The following SLC25A26 variants were observed in gnomAD, a reference collection of about 807,000 sequenced individuals.
SLC25A26 encodes the protein solute carrier family 25 member 26.
SLC25A26 carries 36 observed loss-of-function variants against 37.8 expected under a neutral mutation model. The ratio of observed to expected loss-of-function variants is 0.95; its 90% CI spans 0.73 to 1.26. The LOEUF (loss-of-function observed/expected upper bound fraction) is 1.26, where lower values mean the gene tolerates loss of function less well. SLC25A26 is among the 50% of genes most tolerant of loss of function. The probability of loss-of-function intolerance (pLI) is 0.00; values close to 1 mark genes in which losing one functional copy is unlikely to be tolerated. For synonymous variants in SLC25A26, 129 were observed against 122.5 expected, an observed-to-expected ratio of 1.05 and a Z score of -0.35; for missense variants, 390 against 331.1, an observed-to-expected ratio of 1.18 and a Z score of -1.38.
chr3:66,232,528 A>G (rs2072083164), intron 1 of SLC25A26, among the ~76,000 whole-genome samples: 1 of 152,242 alleles, frequency 6.6e-6, no homozygotes, highest in African/African-American at 2.4e-5. Flanking sequence ...GTACTGAACA[A>G]ATGGTCAGAG....
rs1300309107 is a variant in SLC25A26, at chr3:66,377,900, A to C, written c.*93A>C. On this transcript the variant is annotated 3_prime_UTR_variant, in exon 10 of 10. Transcript: ENST00000354883. ...AGCAGCTGTCTGAACTATAGGCCCCAGTGCTGAAGACCAGTTGTGCTAAGA... is the reference window on the plus strand; with the variant it reads ...AGCAGCTGTCTGAACTATAGGCCCCCGTGCTGAAGACCAGTTGTGCTAAGA... 6.4e-6 allele frequency: 6 copies of C among 937,824 alleles called. No individual in the cohort carries two copies. Among genetic ancestry groups the C allele is most frequent in the Non-Finnish European group, 8.5e-6 (5 of 588,278 alleles). The allele number at this position is 937,824 out of a possible 1,614,324, so 58.1% of individuals were successfully genotyped here.
rs116958612 is a variant in SLC25A26 at position 66,284,159 on chromosome 3, C to A, written c.453+20780C>A. On this transcript the variant is annotated intron_variant, in intron 5 of 9. Coordinates refer to ENST00000354883, the MANE Select transcript of SLC25A26 (RefSeq NM_001379210.1). ...CCCAGGAGTTTGAGACTAGCCTGGG[C>A]AACATAGTGAGACCATGTTCCTACA... Among the ~76,000 whole-genome samples the A allele has an allele frequency of 2.8e-3, 431 of 152,252 alleles. 2 individuals carry two copies. Among genetic ancestry groups the A allele is most frequent in the East Asian group, 0.012 (62 of 5,176 alleles).
chr3:66,300,476 C>G (rs893222959), intron 5 of SLC25A26, among the ~76,000 whole-genome samples: 13 of 151,942 alleles, frequency 8.6e-5, no homozygotes, highest in Non-Finnish European at 7.4e-5. Flanking sequence ...TTCAAATTAC[C>G]TTTTCCTATT....
intron 1 of SLC25A26, among the ~76,000 whole-genome samples, chr3:66,223,161 G>A (rs532630255): frequency 6.6e-6 from 1 of 152,332 alleles, no homozygotes; most frequent in Admixed American, 6.5e-5. Context: ...AACTGAAGAT[G>A]CGACAGAGTA....
chr3:66,351,361 G>A (rs998136688), intron 6 of SLC25A26, among the ~76,000 whole-genome samples: 8 of 152,086 alleles, frequency 5.3e-5, no homozygotes, highest in African/African-American at 1.7e-4. Context: ...AAGCAAAAGC[G>A]GTAGATTATC....
At chr3:66,348,970 C>T (rs930667726) in intron 6 of SLC25A26, among the ~76,000 whole-genome samples, 1 of 152,168 alleles carries the variant, frequency 6.6e-6, no homozygotes, top group Admixed American at 6.5e-5. Context: ...GCAAACAAGA[C>T]TTACTTTATT....
chr3:66,276,005 A>G (rs184952001), intron 5 of SLC25A26, among the ~76,000 whole-genome samples: 19 of 152,236 alleles, frequency 1.2e-4, no homozygotes, highest in African/African-American at 4.3e-4. Context: ...ATGTAAGAAA[A>G]CTAAATTTGA....
intron 5 of SLC25A26, among the ~76,000 whole-genome samples, chr3:66,295,468 A>G (rs1483098173): frequency 7.4e-6 from 1 of 134,500 alleles, no homozygotes; most frequent in African/African-American, 2.9e-5. Flanking sequence ...CAGTGGTACG[A>G]TCGGCTTACT....
chr3:66,153,771 G>A (rs1294293047), intron 1 of SLC25A26, among the ~76,000 whole-genome samples: 5 of 152,170 alleles, frequency 3.3e-5, no homozygotes, highest in Non-Finnish European at 7.3e-5. Context: ...TCCTTGCTGG[G>A]CTTGGTCTTG....
At chr3:66,136,569 A>G (rs921561827) in intron 1 of SLC25A26, among the ~76,000 whole-genome samples, 1 of 152,242 alleles carries the variant, frequency 6.6e-6, no homozygotes, top group African/African-American at 2.4e-5. Flanking sequence ...ATTTTAAAAG[A>G]TGGCTTTTAG....
At chr3:66,329,516 C>T (rs1410773267) in intron 5 of SLC25A26, among the ~76,000 whole-genome samples, 2 of 151,870 alleles carry the variant, frequency 1.3e-5, no homozygotes, top group Non-Finnish European at 2.9e-5. Flanking sequence ...TTCCCTATTT[C>T]CTTACCCCTA....
chr3:66,208,733 C>CATTTATATGGGTATATATATATACAA (rs2071216763), intron 1 of SLC25A26, among the ~76,000 whole-genome samples: 1 of 138,536 alleles, frequency 7.2e-6, no homozygotes, highest in Admixed American at 7.4e-5. Flanking sequence ...TATATATACA[C>CATTTATATGGGTATATATATATACAA]ATTTATATGG....
At chr3:66,176,254 A>G (rs2070585377) in intron 1 of SLC25A26, among the ~76,000 whole-genome samples, 1 of 152,234 alleles carries the variant, frequency 6.6e-6, no homozygotes, top group South Asian at 2.1e-4. Context: ...GCATATCTAT[A>G]GCACAGAGTT....
chr3:66,163,228 A>G (rs969201439), intron 1 of SLC25A26, among the ~76,000 whole-genome samples: 5 of 152,194 alleles, frequency 3.3e-5, no homozygotes, highest in African/African-American at 1.2e-4. Flanking sequence ...TAAAAGACAA[A>G]CCACGTTCCA....
upstream of SLC25A26, among the ~76,000 whole-genome samples, chr3:66,217,862 T>C (rs1361048444): frequency 6.6e-6 from 1 of 152,234 alleles, no homozygotes; most frequent in Non-Finnish European, 1.5e-5. Flanking sequence ...ATAGTTTATA[T>C]ATACTAAGTA....
At chr3:66,290,673 C>T (rs767499376) in intron 5 of SLC25A26, among the ~76,000 whole-genome samples, 1 of 152,130 alleles carries the variant, frequency 6.6e-6, no homozygotes, top group Non-Finnish European at 1.5e-5. Flanking sequence ...CTGACTTGAT[C>T]ATGGTGGATA....
upstream of SLC25A26, among the ~76,000 whole-genome samples, chr3:66,218,351 T>A (rs1576646071): frequency 6.6e-6 from 1 of 152,234 alleles, no homozygotes; most frequent in East Asian, 1.9e-4. Context: ...AATACCTAAG[T>A]GTGGCATTGG....
At chr3:66,312,490 A>G (rs1476837882) in intron 5 of SLC25A26, among the ~76,000 whole-genome samples, 1 of 151,568 alleles carries the variant, frequency 6.6e-6, no homozygotes, top group East Asian at 1.9e-4. Context: ...ATGGGAGTAA[A>G]CAGTTCTGTC....
At chr3:66,357,473 C>G (rs990743604) in intron 6 of SLC25A26, among the ~76,000 whole-genome samples, 1 of 152,130 alleles carries the variant, frequency 6.6e-6, no homozygotes, top group Non-Finnish European at 1.5e-5. Context: ...GATAAATAAG[C>G]AAACATCAGG....
Sources: allele counts gnomAD v4.1 joint callset (sites outside exome capture counted in the v4.1 genomes callset), GRCh38; gene constraint gnomAD v4.1.1; transcripts MANE v1.5; gene names NCBI Gene and HGNC (gene_info 2026-07-23, HGNC 2026-07-21).